Variants in DYRK1A observed in about 807,000 individuals in gnomAD.
DYRK1A encodes the protein dual specificity tyrosine-phosphorylation-regulated kinase 1A.
In DYRK1A, 9 loss-of-function variants were observed where a neutral mutation model predicts 79.7. That is an observed-to-expected ratio of 0.11 (90% CI 0.07 to 0.20). The LOEUF (loss-of-function observed/expected upper bound fraction) is 0.20, where lower values mean the gene tolerates loss of function less well. Among genes scored for constraint, DYRK1A ranks in the 10% least tolerant of loss-of-function variants. The pLI is 1.00. For synonymous variants in DYRK1A, 349 were observed against 329.7 expected, an observed-to-expected ratio of 1.06 and a Z score of -0.63; for missense variants, 622 against 956.0, an observed-to-expected ratio of 0.65 and a Z score of 4.61.
At chr21:37,511,783 T>A (rs2054181994) in intron 11 of DYRK1A, 128 bp from the exon 12 acceptor site, 1 of 1,147,096 alleles carries the variant, frequency 8.7e-7, no homozygotes, top group African/African-American at 1.5e-5. Context: ...CTTAACACAT[T>A]AAAAGTTTCA....
At chr21:37,403,410 C>G (rs2050087967) in intron 1 of DYRK1A, among the ~76,000 whole-genome samples, 1 of 151,796 alleles carries the variant, frequency 6.6e-6, no homozygotes, top group Admixed American at 6.6e-5. Context: ...CTTATTGGAT[C>G]ACATTTTTCT....
chr21:37,494,745 C>T (rs1423320587), intron 8 of DYRK1A, among the ~76,000 whole-genome samples: 3 of 151,396 alleles, frequency 2.0e-5, no homozygotes, highest in South Asian at 2.1e-4. Flanking sequence ...GTCAGGAGTT[C>T]GAGACTGGCC....
Position 37,496,269 on chromosome 21 carries a change from G to A in DYRK1A, c.1212+11G>A, listed in dbSNP as rs776017197. On this transcript the variant is annotated intron_variant, in intron 9 of 11. Coordinates refer to ENST00000647188, the MANE Select transcript of DYRK1A (RefSeq NM_001347721.2). The stretch of plus-strand genomic sequence containing the variant: ...AAAGATGGAAAACGGGTAAAATAAG[G>A]ATATATCTGTTTTGAGCCTTTATTA... 1.2e-6 allele frequency: 2 copies of A among 1,606,236 alleles called. No homozygotes were observed. Among genetic ancestry groups the A allele is most frequent in the East Asian group, 4.5e-5 (2 of 44,808 alleles).
intron 1 of DYRK1A, among the ~76,000 whole-genome samples, chr21:37,405,082 G>C (rs1040844146): frequency 1.3e-5 from 2 of 151,958 alleles, no homozygotes; most frequent in Non-Finnish European, 2.9e-5. Flanking sequence ...TTACATTTTA[G>C]CTGTTCCTCT....
At chr21:37,466,912 T>TATCACAAA (rs1215585833) in intron 2 of DYRK1A, among the ~76,000 whole-genome samples, 3 of 152,028 alleles carry the variant, frequency 2.0e-5, no homozygotes, top group African/African-American at 7.2e-5. Context: ...GTGAAGAGGA[T>TATCACAAA]ATCACAAAAG....
chr21:37,416,317 CTTTTTTTTT>C (rs775621138), intron 1 of DYRK1A, among the ~76,000 whole-genome samples: 1 of 98,150 alleles, frequency 1.0e-5, no homozygotes, highest in Non-Finnish European at 2.0e-5. Context: ...GTGTTTTGGC[CTTTTTTTTT>C]TTTTTTTTTT....
At position 37,367,079 on chromosome 21, in the gene DYRK1A, G is replaced by C. The variant is rs1288591529; in HGVS notation, c.-626G>C. On this transcript the variant is annotated 5_prime_UTR_variant, in exon 1 of 12. Coordinates refer to ENST00000647188, the MANE Select transcript of DYRK1A (RefSeq NM_001347721.2). ...GCAGGCGGGACCGGTGTGAGTGCGA[G>C]TGTGTGTGCGAGGGAGCGTGTGCGA... The C allele has an allele frequency of 6.4e-6, 1 of 156,494 alleles. No homozygotes were observed. 9.7% of individuals were successfully genotyped at this position (156,494 alleles called of 1,614,324 possible).
In DYRK1A at chr21:37,426,919, T is replaced by TCAC. The variant is rs70940562; in HGVS notation, c.10+6535_10+6536insCAC. On this transcript the variant is annotated intron_variant, in intron 2 of 11. Transcript: ENST00000647188. ...TGGGCTAAAGAGCGAGACTCGGTTC[T>TCAC]AAAAAAAAAAAAAAAAGAGATGAAT... Among the ~76,000 whole-genome samples, 2 of 119,308 alleles carry TCAC rather than the reference T, an allele frequency of 1.7e-5. 1 individual carries two copies. The highest frequency in any genetic ancestry group is 6.7e-5 in the African/African-American group (2 of 30,040). 78.3% of individuals were successfully genotyped at this position (119,308 alleles called of 152,430 possible).
At chr21:37,385,855 C>G (rs1253855978) in intron 1 of DYRK1A, among the ~76,000 whole-genome samples, 4 of 152,180 alleles carry the variant, frequency 2.6e-5, no homozygotes, top group Non-Finnish European at 1.5e-5. Context: ...AAAATTTGCT[C>G]TGCAAACCAT....
intron 2 of DYRK1A, among the ~76,000 whole-genome samples, chr21:37,448,560 C>A (rs1471956805): frequency 6.6e-6 from 1 of 152,106 alleles, no homozygotes; most frequent in African/African-American, 2.4e-5. Context: ...GAAGGTTTAA[C>A]ATGAAATATT....
At chr21:37,448,822 A>G (rs2051353569) in intron 2 of DYRK1A, among the ~76,000 whole-genome samples, 1 of 152,100 alleles carries the variant, frequency 6.6e-6, no homozygotes. Context: ...TCAGCCTCCT[A>G]AGTAGCTGGG....
At chr21:37,398,993 C>T (rs1255297367) in intron 1 of DYRK1A, among the ~76,000 whole-genome samples, 2 of 151,662 alleles carry the variant, frequency 1.3e-5, no homozygotes, top group East Asian at 3.9e-4. Context: ...TTACTAGGAC[C>T]TTGTAGGCAA....
At chr21:37,425,088 C>G (rs999567727) in intron 2 of DYRK1A, among the ~76,000 whole-genome samples, 1 of 152,138 alleles carries the variant, frequency 6.6e-6, no homozygotes, top group Non-Finnish European at 1.5e-5. Flanking sequence ...GTCTGTCTTT[C>G]TAGCGAGTAG....
intron 1 of DYRK1A, among the ~76,000 whole-genome samples, chr21:37,378,535 AAAAAC>A (rs576732413): frequency 5.3e-4 from 81 of 152,328 alleles, no homozygotes; most frequent in African/African-American, 1.9e-3. Flanking sequence ...CTCCATCTCG[AAAAAC>A]AAAACAAAAG....
intron 1 of DYRK1A, among the ~76,000 whole-genome samples, chr21:37,395,741 C>T (rs944787560): frequency 7.2e-5 from 11 of 152,022 alleles, no homozygotes; most frequent in Admixed American, 7.2e-4. Context: ...TAAGATTTTA[C>T]TTACATTTAA....
At chr21:37,507,860 A>T (rs185168039) in intron 11 of DYRK1A, among the ~76,000 whole-genome samples, 2 of 151,930 alleles carry the variant, frequency 1.3e-5, no homozygotes, top group East Asian at 1.9e-4. Flanking sequence ...CTAAGTCTTG[A>T]CTTCTGACTT....
chr21:37,382,792 G>C (rs12151982), intron 1 of DYRK1A, among the ~76,000 whole-genome samples: 1 of 152,136 alleles, frequency 6.6e-6, no homozygotes, highest in African/African-American at 2.4e-5. Context: ...GGTATTATCC[G>C]TGTTTACCTC....
chr21:37,367,042 C>T lies in DYRK1A; in HGVS notation c.-663C>T, dbSNP rs989825168. 1.2e-5 allele frequency: 2 copies of T among 161,048 alleles called. No homozygotes were observed. The highest frequency in any genetic ancestry group is 2.7e-5 in the Non-Finnish European group (2 of 73,586). The allele number at this position is 161,048 out of a possible 1,614,324, so 10.0% of individuals were successfully genotyped here. On this transcript the variant is annotated 5_prime_UTR_variant, in exon 1 of 12. Transcript: ENST00000647188. ...CTGCTGCTGCTGTTGGTGCCGCTGC[C>T]GCCGCCGGCGAGCAGGCGGGACCGG...
At chr21:37,421,957 G>T (rs1201252305) in intron 2 of DYRK1A, 1 of 152,062 alleles carries the variant, frequency 6.6e-6, no homozygotes, top group East Asian at 1.9e-4. Context: ...TGAAATTTTG[G>T]AGTTACAAAG....
Sources: gnomAD v4.1 joint callset for allele counts (sites outside exome capture counted in the v4.1 genomes callset) on GRCh38, gnomAD v4.1.1 for gene constraint, MANE v1.5 for transcripts, NCBI Gene and HGNC (gene_info 2026-07-23, HGNC 2026-07-21) for gene names.